Variants in NAV2 observed in about 807,000 individuals in gnomAD.
NAV2 encodes helicase, APC down-regulated 1.
In NAV2, 54 loss-of-function variants were observed where a neutral mutation model predicts 223.2. The observed-to-expected ratio is 0.24, with a 90% CI of 0.19 to 0.30. The LOEUF (loss-of-function observed/expected upper bound fraction) is 0.30. Ranked by LOEUF, NAV2 falls within the 10% of genes least tolerant of loss-of-function variation. The probability of loss-of-function intolerance (pLI) is 1.00; values close to 1 mark genes in which losing one functional copy is unlikely to be tolerated. For synonymous variants in NAV2, 1,279 were observed against 1,239.3 expected (o/e 1.03, Z -0.67); for missense variants, 2,806 against 3,147.5 (o/e 0.89, Z 2.60).
chr11:19,922,809 C>A (rs1304580573), intron 6 of NAV2, among the ~76,000 whole-genome samples: 2 of 152,104 alleles, frequency 1.3e-5, no homozygotes, highest in Non-Finnish European at 1.5e-5. Context: ...GTGGTCTGGG[C>A]TGTGTGCAGC....
intron 1 of NAV2, among the ~76,000 whole-genome samples, chr11:19,587,585 A>G (rs1452961694): frequency 1.3e-5 from 2 of 152,154 alleles, no homozygotes; most frequent in Non-Finnish European, 2.9e-5. Context: ...TCCTCATAGA[A>G]AACTCTTATG....
chr11:19,970,317 C>T (rs933299120), intron 10 of NAV2, among the ~76,000 whole-genome samples: 4 of 152,086 alleles, frequency 2.6e-5, no homozygotes, highest in Non-Finnish European at 2.9e-5. Context: ...TACAGGCATG[C>T]GCCACCATGC....
At chr11:19,901,961 A>C (rs2042479484) in intron 6 of NAV2, among the ~76,000 whole-genome samples, 1 of 152,204 alleles carries the variant, frequency 6.6e-6, no homozygotes, top group Non-Finnish European at 1.5e-5. Flanking sequence ...AATACAAGAC[A>C]AAGAGGTGCT....
At chr11:19,674,516 C>T (rs185395233) in intron 1 of NAV2, among the ~76,000 whole-genome samples, 1 of 152,336 alleles carries the variant, frequency 6.6e-6, no homozygotes, top group African/African-American at 2.4e-5. Flanking sequence ...CCCAGTTTTG[C>T]AGTGAGCAGT....
chr11:19,900,467 C>A (rs1363619883), intron 6 of NAV2, among the ~76,000 whole-genome samples: 1 of 152,112 alleles, frequency 6.6e-6, no homozygotes, highest in Non-Finnish European at 1.5e-5. Context: ...CTCAGGATGA[C>A]CCTCAAAAGA....
rs529271586 is a variant in NAV2 at position 19,942,302 on chromosome 11, C to T, written c.2146+2529C>T. On this transcript the variant is annotated intron_variant, in intron 8 of 37. Coordinates refer to ENST00000349880, the MANE Select transcript of NAV2 (RefSeq NM_145117.5). ...TACTGTTTTGTGTTCCTACATTGCC[C>T]TTGGGATCTGATGTAGAGCCCTGGA... Among the ~76,000 whole-genome samples, 4 of 152,284 alleles carry T rather than the reference C, an allele frequency of 2.6e-5. No individual in the cohort carries two copies. The South Asian group carries it at 8.3e-4, about 32-fold the overall frequency.
chr11:19,673,088 A>G (rs1308660452), intron 1 of NAV2, among the ~76,000 whole-genome samples: 1 of 152,232 alleles, frequency 6.6e-6, no homozygotes, highest in Non-Finnish European at 1.5e-5. Flanking sequence ...TGAACCTCTG[A>G]GCAGCCTAGG....
chr11:19,653,320 A>C (rs1357394256), intron 1 of NAV2, among the ~76,000 whole-genome samples: 1 of 152,232 alleles, frequency 6.6e-6, no homozygotes, highest in Non-Finnish European at 1.5e-5. Flanking sequence ...ATTCAGCGTG[A>C]CAGTGAAAGT....
At chr11:19,544,686 T>C (rs1017098015) in intron 1 of NAV2, among the ~76,000 whole-genome samples, 1 of 152,152 alleles carries the variant, frequency 6.6e-6, no homozygotes, top group East Asian at 1.9e-4. Flanking sequence ...CCTGGCCACC[T>C]TATCCTGCTA....
At chr11:20,035,808 G>A (rs960396261) in intron 11 of NAV2, 151 bp from the exon 12 acceptor site, 1 of 787,628 alleles carries the variant, frequency 1.3e-6, no homozygotes, top group East Asian at 2.7e-5. Flanking sequence ...TTGATGTGGA[G>A]ATGAGTCACA....
Position 19,600,045 on chromosome 11 carries a change from G to A in NAV2, c.76-232439G>A, listed in dbSNP as rs1393522221. Among the ~76,000 whole-genome samples, 4 of 152,204 alleles carry A rather than the reference G, an allele frequency of 2.6e-5. No homozygotes were observed. The East Asian group carries it at 7.7e-4, about 29-fold the overall frequency. ...TCCAGGAAGCACTGTGAGGGAGTGG[G>A]GAGTGAGACAGCGAGGAGAAAGCCA... On this transcript the variant is annotated intron_variant, in intron 1 of 37. Transcript: ENST00000360655.
intron 1 of NAV2, among the ~76,000 whole-genome samples, chr11:19,820,787 C>G (rs1368708099): frequency 2.0e-5 from 3 of 152,142 alleles, no homozygotes; most frequent in African/African-American, 7.2e-5. Context: ...AATGTTTGGT[C>G]CTGGCGTATT....
intron 6 of NAV2, among the ~76,000 whole-genome samples, chr11:19,901,590 G>C (rs1185769445): frequency 6.6e-6 from 1 of 152,146 alleles, no homozygotes; most frequent in African/African-American, 2.4e-5. Flanking sequence ...CTACTTTGTA[G>C]TACATTGTTA....
At chr11:20,074,924 C>T (rs982966481) in intron 22 of NAV2, among the ~76,000 whole-genome samples, 6 of 151,984 alleles carry the variant, frequency 3.9e-5, no homozygotes, top group Non-Finnish European at 8.8e-5. Context: ...TTGATTGGGG[C>T]ATTTAGCCTG....
chr11:19,935,727 T>C (rs533419856), intron 7 of NAV2, among the ~76,000 whole-genome samples: 2 of 152,074 alleles, frequency 1.3e-5, no homozygotes, highest in African/African-American at 4.8e-5. Flanking sequence ...ATCTTTTTAA[T>C]TGGGAGAAGG....
chr11:20,052,086 T>C lies in NAV2; in HGVS notation c.4481+753T>C, dbSNP rs542852406. On this transcript the variant is annotated intron_variant, in intron 17 of 37. Coordinates refer to ENST00000349880, the MANE Select transcript of NAV2 (RefSeq NM_145117.5). ...CCTCCCCTGTGATCTTGCTGTCTTA[T>C]GGTTGCAGCCGTCATTTCTTCTGCT... 2.6e-5 allele frequency among the ~76,000 whole-genome samples: 4 copies of C among 152,358 alleles called. No individual in the cohort carries two copies. In the East Asian group the frequency reaches 5.8e-4, roughly 22 times the overall value.
At position 20,103,665 on chromosome 11, in the gene NAV2, T is replaced by G. The variant is rs764368612; in HGVS notation, c.6585T>G (p.Ile2195Met). The change falls in exon 34 of 38, where the codon ATT (isoleucine) becomes ATG (methionine). Residue 2195 changes from isoleucine to methionine, a missense_variant. By Grantham distance (10) the Ile-to-Met change is conservative. This residue lies in a region of NAV2 where 824 missense variants were observed against 1,069.4 expected (regional missense o/e 0.77). Transcript: ENST00000349880. ...ATTTTATCCGCAGCCCTTACATAAT[T>G]GGCACAATGAACCAGGCTACCTCTT... ...NCKYHKCPYIIGTMNQATSST... is the reference protein window; with the variant it reads ...NCKYHKCPYIMGTMNQATSST... The G allele has an allele frequency of 6.2e-7, 1 of 1,614,086 alleles. No individual in the cohort carries two copies. Among genetic ancestry groups the G allele is most frequent in the Non-Finnish European group, 8.5e-7 (1 of 1,179,980 alleles).
At chr11:19,429,327 G>T (rs1053622908) in intron 1 of NAV2, among the ~76,000 whole-genome samples, 4 of 152,222 alleles carry the variant, frequency 2.6e-5, no homozygotes, top group Non-Finnish European at 5.9e-5. Context: ...AAGGTCTCCA[G>T]TCACTTTTCA....
chr11:19,527,937 G>GACACACACACACACACACACACACACAC lies in NAV2; in HGVS notation c.75+176918_75+176945dup, dbSNP rs67561376. On this transcript the variant is annotated intron_variant, in intron 1 of 37. Coordinates refer to the NAV2 transcript ENST00000360655. ...TCACAAGGAGATAGCTCCCTGCCCT[G>GACACACACACACACACACACACACACAC]ACACACACACACACACACACACACA... Among the ~76,000 whole-genome samples, 562 of 143,252 alleles carry GACACACACACACACACACACACACACAC rather than the reference G, an allele frequency of 3.9e-3. 13 individuals are homozygous for GACACACACACACACACACACACACACAC. Among genetic ancestry groups the GACACACACACACACACACACACACACAC allele is most frequent in the African/African-American group, 0.014 (533 of 37,026 alleles). The allele number at this position is 143,252 out of a possible 152,430, so 94.0% of individuals were successfully genotyped here.
Sources: gnomAD v4.1 joint callset for allele counts (sites outside exome capture counted in the v4.1 genomes callset) on GRCh38, gnomAD v4.1.1 for gene constraint, gnomAD v4.1.1 regional missense constraint, MANE v1.5 for transcripts, NCBI Gene and HGNC (gene_info 2026-07-23, HGNC 2026-07-21) for gene names.